ACSL4: variants seen among roughly 807,000 people sequenced by gnomAD.
The protein encoded by ACSL4 is long-chain-fatty-acid--CoA ligase 4.
ACSL4 carries 9 observed loss-of-function variants against 49.1 expected under a neutral mutation model. The ratio of observed to expected loss-of-function variants is 0.18; its 90% CI spans 0.11 to 0.32. ACSL4 has a LOEUF of 0.32. ACSL4 is among the 10% of genes least tolerant of loss of function. The probability of loss-of-function intolerance (pLI) is 1.00; values close to 1 mark genes in which losing one functional copy is unlikely to be tolerated. For synonymous variants in ACSL4, 191 were observed against 170.3 expected, an observed-to-expected ratio of 1.12 and a Z score of -0.95; for missense variants, 333 against 493.7, an observed-to-expected ratio of 0.67 and a Z score of 3.08.
intron 1 of ACSL4, among the ~76,000 whole-genome samples, chrX:109,725,198 A>G (rs1002343688): frequency 1.8e-5 from 2 of 109,314 alleles, no homozygotes; most frequent in African/African-American, 6.7e-5. Context: ...CTCCTGTCTC[A>G]GCCTCCTGAG....
At chrX:109,695,274 G>A (rs1018561387) in intron 2 of ACSL4, among the ~76,000 whole-genome samples, 11 of 107,793 alleles carry the variant, frequency 1.0e-4, no homozygotes, top group African/African-American at 2.0e-4. Context: ...AAACCCGGGA[G>A]GCAGAGGTTG....
intron 1 of ACSL4, among the ~76,000 whole-genome samples, chrX:109,713,719 C>A (rs1434652368): frequency 2.7e-5 from 3 of 111,634 alleles, no homozygotes; most frequent in Non-Finnish European, 5.6e-5. Flanking sequence ...ACACAGTTGG[C>A]CTTTTACTTA....
intron 15 of ACSL4, among the ~76,000 whole-genome samples, chrX:109,653,299 G>A (rs370253210): frequency 4.5e-5 from 5 of 111,537 alleles, no homozygotes; most frequent in Admixed American, 9.5e-5. Flanking sequence ...AAAAGTCAGG[G>A]AACAACAGGT....
intron 6 of ACSL4, among the ~76,000 whole-genome samples, chrX:109,680,034 G>C (rs760742217): frequency 1.8e-5 from 2 of 112,086 alleles, no homozygotes; most frequent in South Asian, 7.5e-4. Context: ...TCTCTCCCCA[G>C]AGCAAACAGC....
In ACSL4 at chrX:109,714,262, T is replaced by A. The variant is rs1260224533; in HGVS notation, c.-65-18066A>T. ...CAATTTTAAAAATATAAAAAAGCTTTTAGAATAAGGACATAAAGAAAAAAT... is the reference window on the plus strand; with the variant it reads ...CAATTTTAAAAATATAAAAAAGCTTATAGAATAAGGACATAAAGAAAAAAT... On this transcript the variant is annotated intron_variant, in intron 1 of 15. Transcript: ENST00000672401. Among the ~76,000 whole-genome samples the A allele has an allele frequency of 1.2e-4, 14 of 112,521 alleles. 3 individuals are homozygous for A. The highest frequency in any genetic ancestry group is 1.1e-3 in the South Asian group (3 of 2,749).
At chrX:109,703,325 C>A (rs1215408252) in intron 1 of ACSL4, among the ~76,000 whole-genome samples, 1 of 111,354 alleles carries the variant, frequency 9.0e-6, no homozygotes. Flanking sequence ...ATTAGATTAA[C>A]CCAGATTAGG....
At chrX:109,670,629 C>CCCT (rs1346011020) in intron 9 of ACSL4, among the ~76,000 whole-genome samples, 1 of 109,024 alleles carries the variant, frequency 9.2e-6, no homozygotes, top group African/African-American at 3.3e-5. Flanking sequence ...TCCCTCCTCT[C>CCCT]CCTCTCCCTC....
At chrX:109,693,596 G>A (rs1470643524) in intron 2 of ACSL4, among the ~76,000 whole-genome samples, 1 of 112,208 alleles carries the variant, frequency 8.9e-6, no homozygotes, top group Non-Finnish European at 1.9e-5. Context: ...TCCACATTAG[G>A]ATTGGGAATA....
rs1440513035 is a variant in ACSL4, at chrX:109,679,745, A to T, written c.655+1253T>A. 7.1e-5 allele frequency among the ~76,000 whole-genome samples: 8 copies of T among 112,336 alleles called. No homozygotes were observed. In the Admixed American group the frequency reaches 7.5e-4, roughly 11 times the overall value. The stretch of plus-strand genomic sequence containing the variant: ...CCTATCTATTGCAGACATGAGTAGA[A>T]CTAAGTGGGATATGTGGCCTATTAC... On this transcript the variant is annotated intron_variant, in intron 6 of 15. Transcript: ENST00000672401.
chrX:109,643,848 T>C lies in ACSL4; in HGVS notation c.*181A>G. The C allele has an allele frequency of 3.9e-6, 2 of 512,214 alleles. No individual in the cohort carries two copies. The highest frequency in any genetic ancestry group is 6.5e-6 in the Non-Finnish European group (2 of 305,722). 42.2% of individuals were successfully genotyped at this position (512,214 alleles called of 1,213,427 possible). A position where few individuals can be genotyped will look rare whatever the true frequency, so the allele number is the denominator to read the frequency against. On this transcript the variant is annotated 3_prime_UTR_variant, in exon 16 of 16. Coordinates refer to ENST00000672401, the MANE Select transcript of ACSL4 (RefSeq NM_001318510.2). ...TTCAATTTCAGCTGCACTAGAACTA[T>C]GCAAAACTAAGTTAAAGTAAACCGG...
intron 15 of ACSL4, among the ~76,000 whole-genome samples, chrX:109,650,714 T>C (rs1284043025): frequency 8.9e-6 from 1 of 111,904 alleles, no homozygotes; most frequent in African/African-American, 3.2e-5. Flanking sequence ...GAAGTCCCTT[T>C]GTCTCTCTAT....
intron 1 of ACSL4, among the ~76,000 whole-genome samples, chrX:109,700,538 TA>T (rs562313936): frequency 0.022 from 1,120 of 51,016 alleles, 11 homozygotes; most frequent in African/African-American, 0.061. Context: ...CTCTGTCTCA[TA>T]AAAAAAAAAA....
intron 1 of ACSL4, among the ~76,000 whole-genome samples, chrX:109,701,976 G>A (rs1264492110): frequency 1.9e-5 from 2 of 104,081 alleles, no homozygotes; most frequent in Admixed American, 2.1e-4. Flanking sequence ...TTGGGAGGCC[G>A]AGGTGGGTGG....
At chrX:109,662,804 C>T (rs1468395279) in intron 13 of ACSL4, among the ~76,000 whole-genome samples, 2 of 111,112 alleles carry the variant, frequency 1.8e-5, no homozygotes, top group Non-Finnish European at 1.9e-5. Context: ...TGAGGAAGGC[C>T]TAGCATAGAG....
At position 109,678,072 on chromosome X, in the gene ACSL4, A is replaced by G. The variant is rs1056692866; in HGVS notation, c.846T>C (p.His282=). The change falls in exon 8 of 16, where the codon CAT becomes CAC. Residue 282 remains histidine (H), a synonymous_variant. Coordinates refer to ENST00000672401, the MANE Select transcript of ACSL4 (RefSeq NM_001318510.2). ...DTYIGYLPLA[H]VLELTAEISC... is the part of the protein sequence containing the mutation. The stretch of plus-strand genomic sequence containing the variant: ...ATATCTCTGCTGTCAGTTCTAGCAC[A>G]TGAGCCAAAGGCAAGTAGCCAATAT... The G allele has an allele frequency of 9.9e-6, 12 of 1,211,644 alleles. No individual in the cohort carries two copies. The highest frequency in any genetic ancestry group is 1.3e-5 in the Non-Finnish European group (12 of 894,995).
intron 6 of ACSL4, among the ~76,000 whole-genome samples, chrX:109,679,270 G>A (rs1923981439): frequency 9.0e-6 from 1 of 111,418 alleles, no homozygotes; most frequent in Non-Finnish European, 1.9e-5. Context: ...GAACCCTGGA[G>A]CTTCCACTTT....
Position 109,641,939 on chromosome X carries a change from A to G in ACSL4, c.*2090T>C, listed in dbSNP as rs1296231432. ...AGGCTTAAATACTTGAAAAGTCACT[A>G]TGGATATGGAAAGATTTGTTTACAT... On this transcript the variant is annotated 3_prime_UTR_variant, in exon 16 of 16. Transcript: ENST00000672401. 8.9e-6 allele frequency: 1 copy of G among 112,497 alleles called. No homozygotes were observed. The highest frequency in any genetic ancestry group is 1.9e-5 in the Non-Finnish European group (1 of 53,173). 9.3% of individuals were successfully genotyped at this position (112,497 alleles called of 1,213,427 possible).
At chrX:109,732,593 A>ACGGAAGCTAGGAAGATAT (rs1448825036) in intron 1 of ACSL4, among the ~76,000 whole-genome samples, 3 of 111,928 alleles carry the variant, frequency 2.7e-5, no homozygotes, top group Non-Finnish European at 5.6e-5. Context: ...ACCTAAGCCT[A>ACGGAAGCTAGGAAGATAT]CGGAAGCTAG....
intron 1 of ACSL4, among the ~76,000 whole-genome samples, chrX:109,704,484 A>G (rs1264074970): frequency 8.9e-6 from 1 of 111,818 alleles, no homozygotes; most frequent in Non-Finnish European, 1.9e-5. Flanking sequence ...AATACGATGT[A>G]GATCTATCAA....
Sources: gnomAD v4.1 joint callset for allele counts (sites outside exome capture counted in the v4.1 genomes callset) on GRCh38, gnomAD v4.1.1 for gene constraint, MANE v1.5 for transcripts, NCBI Gene and HGNC (gene_info 2026-07-23, HGNC 2026-07-21) for gene names.